The following BABAM2 variants were observed in gnomAD, a reference collection of about 807,000 sequenced individuals.
BABAM2 encodes BRISC and BRCA1-A complex member 2.
In BABAM2, 31 loss-of-function variants were observed where a neutral mutation model predicts 54.7. That is an observed-to-expected ratio of 0.57 (90% confidence interval 0.43 to 0.77). The LOEUF (loss-of-function observed/expected upper bound fraction) is 0.77. BABAM2 is among the 30% of genes least tolerant of loss of function. BABAM2 has a pLI of 0.00. For synonymous variants in BABAM2, 167 were observed against 162.9 expected (o/e 1.03, Z -0.19); for missense variants, 364 against 455.8 (o/e 0.80, Z 1.83).
At chr2:28,102,458 C>T (rs1394805072) in intron 6 of BABAM2, among the ~76,000 whole-genome samples, 1 of 152,122 alleles carries the variant, frequency 6.6e-6, no homozygotes, top group Non-Finnish European at 1.5e-5. Flanking sequence ...ACTTTTATTT[C>T]ATTTTCATTT....
chr2:28,130,790 A>C (rs886651759), intron 7 of BABAM2, among the ~76,000 whole-genome samples: 1 of 151,852 alleles, frequency 6.6e-6, no homozygotes, highest in Non-Finnish European at 1.5e-5. Flanking sequence ...TCCAGGCTGG[A>C]GTGCAGTGGT....
At chr2:28,077,344 T>G (rs1243768102) in intron 6 of BABAM2, among the ~76,000 whole-genome samples, 3 of 152,170 alleles carry the variant, frequency 2.0e-5, no homozygotes, top group Non-Finnish European at 4.4e-5. Context: ...ACTTAAAATA[T>G]TTTTATGGAG....
At chr2:28,297,904 A>G (rs1294980131) in intron 10 of BABAM2, among the ~76,000 whole-genome samples, 1 of 152,214 alleles carries the variant, frequency 6.6e-6, no homozygotes, top group Non-Finnish European at 1.5e-5. Context: ...ATAGATGTGG[A>G]ATACATTGCC....
In BABAM2 at chr2:28,322,738, C is replaced by T. The variant is rs1328809715; in HGVS notation, c.1089-15712C>T. Among the ~76,000 whole-genome samples the T allele has an allele frequency of 6.6e-6, 1 of 152,242 alleles. No homozygotes were observed. Among genetic ancestry groups the T allele is most frequent in the Admixed American group, 6.5e-5 (1 of 15,286 alleles). ...TGTCAGGTAGGTGGGAGACCCCCAG[C>T]ATGTTGCAGGCCCAGGAAAGCACCC... On this transcript the variant is annotated intron_variant, in intron 11 of 11. Coordinates refer to ENST00000379624, the MANE Select transcript of BABAM2 (RefSeq NM_199191.3). This position sits in a 1 kb window ranked among gnomAD's most constrained non-coding sequence, Gnocchi z 4.1.
chr2:28,131,070 ATTATTATTAT>A (rs1479956712), intron 7 of BABAM2, among the ~76,000 whole-genome samples: 1 of 6,954 alleles, frequency 1.4e-4, no homozygotes, highest in East Asian at 3.3e-3. Context: ...TATTATTATT[ATTATTATTAT>A]TTTTTTTTTT....
intron 4 of BABAM2, chr2:28,016,248 TC>T: frequency 1.1e-6 from 1 of 913,936 alleles, no homozygotes; most frequent in Non-Finnish European, 1.8e-6. Context: ...CTTAACAATT[TC>T]CCCCTGTGTT....
At chr2:28,061,502 G>A (rs1189019449) in intron 6 of BABAM2, among the ~76,000 whole-genome samples, 4 of 149,194 alleles carry the variant, frequency 2.7e-5, no homozygotes, top group Non-Finnish European at 4.5e-5. Flanking sequence ...GGAGAATGAC[G>A]TGAACCTGGG....
Position 28,175,172 on chromosome 2 carries a change from A to G in BABAM2, c.680+45792A>G, listed in dbSNP as rs193010056. 7.0e-3 allele frequency among the ~76,000 whole-genome samples: 1,061 copies of G among 152,176 alleles called. 5 individuals carry two copies. The highest frequency in any genetic ancestry group is 0.012 in the Non-Finnish European group (806 of 67,984). Reference sequence around the variant, plus strand: ...CACAGCTGTCACCATTAGGAACCGAAGCTTATGCTCCCCAGAGCCTGAGAG... The same window carrying G: ...CACAGCTGTCACCATTAGGAACCGAGGCTTATGCTCCCCAGAGCCTGAGAG... On this transcript the variant is annotated intron_variant, in intron 7 of 11. Transcript: ENST00000379624.
At chr2:28,107,680 C>T (rs545589803) in intron 6 of BABAM2, among the ~76,000 whole-genome samples, 11 of 152,320 alleles carry the variant, frequency 7.2e-5, no homozygotes, top group Non-Finnish European at 1.6e-4. Flanking sequence ...CTTCCTTTGT[C>T]CGGCTGCAGG....
At chr2:28,114,612 C>T (rs56193827) in intron 6 of BABAM2, among the ~76,000 whole-genome samples, 14,541 of 152,162 alleles carry the variant, frequency 0.096, 1,195 homozygotes, top group African/African-American at 0.22. Flanking sequence ...ATGCCTTACA[C>T]GTGGTTGGCA....
chr2:28,278,816 A>G (rs1686092883), intron 10 of BABAM2, among the ~76,000 whole-genome samples: 1 of 152,230 alleles, frequency 6.6e-6, no homozygotes, highest in Non-Finnish European at 1.5e-5. Flanking sequence ...CCACGAAGGC[A>G]GCAGAGGACC....
intron 7 of BABAM2, among the ~76,000 whole-genome samples, chr2:28,174,462 G>A (rs1674696855): frequency 1.3e-5 from 2 of 152,226 alleles, no homozygotes; most frequent in Admixed American, 1.3e-4. Flanking sequence ...TTTGAATAGA[G>A]AATCTAGGAG....
At chr2:28,035,552 A>G (rs951094114) in intron 5 of BABAM2, among the ~76,000 whole-genome samples, 1 of 152,152 alleles carries the variant, frequency 6.6e-6, no homozygotes, top group Non-Finnish European at 1.5e-5. Flanking sequence ...ATGCTACAGT[A>G]TACTCCAAGG....
At chr2:28,275,391 A>G (rs1685791807) in intron 10 of BABAM2, among the ~76,000 whole-genome samples, 1 of 152,152 alleles carries the variant, frequency 6.6e-6, no homozygotes, top group African/African-American at 2.4e-5. Context: ...CCAGGTTGTG[A>G]AGGTATAAGC....
At chr2:28,276,441 A>C (rs1038378048) in intron 10 of BABAM2, among the ~76,000 whole-genome samples, 9 of 152,176 alleles carry the variant, frequency 5.9e-5, no homozygotes, top group African/African-American at 2.2e-4. Flanking sequence ...ACTGAAGCAA[A>C]ATATGCCTTT....
chr2:28,333,324 C>T (rs1375985671), intron 11 of BABAM2, among the ~76,000 whole-genome samples: 4 of 152,160 alleles, frequency 2.6e-5, no homozygotes, highest in Admixed American at 6.5e-5. Flanking sequence ...GAGCCTGCCC[C>T]GCACAGGCTA....
At chr2:28,294,151 C>T (rs748480970) in intron 10 of BABAM2, among the ~76,000 whole-genome samples, 19 of 152,030 alleles carry the variant, frequency 1.2e-4, no homozygotes, top group African/African-American at 2.2e-4. Flanking sequence ...GAGGCTGAGG[C>T]GGGCAAGTCA....
intron 7 of BABAM2, among the ~76,000 whole-genome samples, chr2:28,230,128 A>G (rs1367328517): frequency 2.6e-5 from 4 of 152,198 alleles, no homozygotes; most frequent in Non-Finnish European, 5.9e-5. Context: ...GAAATATTAG[A>G]TTAGTCACAA....
rs1236352218 is a variant in BABAM2, at chr2:28,286,760, C to T, written c.935-11578C>T. On this transcript the variant is annotated intron_variant, in intron 10 of 11. Transcript: ENST00000379624. ...TGGTTGACACCTCTGTTATAACCTT[C>T]GTCCTCGTCTCCTTTCCTGAGAACA... Among the ~76,000 whole-genome samples, 4 of 152,316 alleles carry T rather than the reference C, an allele frequency of 2.6e-5. No homozygotes were observed. The South Asian group carries it at 8.3e-4, about 32-fold the overall frequency.
Sources: gnomAD v4.1 joint callset for allele counts (sites outside exome capture counted in the v4.1 genomes callset) on GRCh38, gnomAD v4.1.1 for gene constraint, Gnocchi (gnomAD v3.1) non-coding constraint, MANE v1.5 for transcripts, NCBI Gene and HGNC (gene_info 2026-07-23, HGNC 2026-07-21) for gene names.